The following NCAM2 variants were observed in gnomAD, a reference collection of about 807,000 sequenced individuals.
NCAM2 encodes neural cell adhesion molecule 2.
A neutral mutation model predicts 98.1 loss-of-function variants in NCAM2; 30 were observed. The observed-to-expected ratio is 0.31, with a 90% CI of 0.23 to 0.41. The LOEUF (loss-of-function observed/expected upper bound fraction) is 0.41. Ranked by LOEUF, NCAM2 falls within the 10% of genes least tolerant of loss-of-function variation. The pLI is 1.00. For missense variants in NCAM2, 867 were observed against 1,005.8 expected (o/e 0.86, Z 1.87); for synonymous variants, 368 against 342.4 (o/e 1.07, Z -0.83).
intron 1 of NCAM2, among the ~76,000 whole-genome samples, chr21:21,210,967 A>AACAC (rs71195310): frequency 0.016 from 2,098 of 127,248 alleles, 53 homozygotes; most frequent in East Asian, 0.08. Context: ...ACTCTCCCCA[A>AACAC]ACACACACAC....
chr21:21,429,186 A>G (rs2077276999), intron 11 of NCAM2, among the ~76,000 whole-genome samples: 1 of 152,240 alleles, frequency 6.6e-6, no homozygotes, highest in Non-Finnish European at 1.5e-5. Flanking sequence ...AACGGACTAT[A>G]TAACTAGAAG....
At chr21:21,458,825 A>G (rs1386360821) in intron 12 of NCAM2, among the ~76,000 whole-genome samples, 1 of 152,190 alleles carries the variant, frequency 6.6e-6, no homozygotes, top group Non-Finnish European at 1.5e-5. Flanking sequence ...AGCCTAGGCA[A>G]CAAAAGCAAA....
chr21:21,166,705 A>C (rs942854631), intron 1 of NCAM2, among the ~76,000 whole-genome samples: 3 of 152,212 alleles, frequency 2.0e-5, no homozygotes, highest in Non-Finnish European at 4.4e-5. Context: ...AGTCATTAAA[A>C]GTTATTGCAG....
chr21:21,291,176 C>T (rs909631778), intron 4 of NCAM2, among the ~76,000 whole-genome samples: 3 of 151,834 alleles, frequency 2.0e-5, no homozygotes, highest in African/African-American at 7.2e-5. Context: ...GTCTTATATA[C>T]AGTATCCAGC....
At chr21:21,172,388 TGAG>T (rs761257709) in intron 1 of NCAM2, among the ~76,000 whole-genome samples, 17 of 152,142 alleles carry the variant, frequency 1.1e-4, no homozygotes, top group Middle Eastern at 3.2e-3. Flanking sequence ...GTTTGAATCA[TGAG>T]GAGATTTTTT....
At position 21,540,221 on chromosome 21, in the gene NCAM2, G is replaced by A. The variant is rs1013032396; in HGVS notation, c.*2264G>A. On this transcript the variant is annotated 3_prime_UTR_variant, in exon 18 of 18. Transcript: ENST00000400546. Reference sequence around the variant, plus strand: ...ACATTTCTGTTTCTCTCATTTATTCGGATTTTCCTTGTAAAGAAATTGACA... The same window carrying A: ...ACATTTCTGTTTCTCTCATTTATTCAGATTTTCCTTGTAAAGAAATTGACA... The A allele has an allele frequency of 2.0e-5, 3 of 150,024 alleles. No individual in the cohort carries two copies. Among genetic ancestry groups the A allele is most frequent in the African/African-American group, 4.9e-5 (2 of 40,772 alleles). The allele number at this position is 150,024 out of a possible 1,614,324, so 9.3% of individuals were successfully genotyped here.
chr21:21,412,861 T>G (rs62207440), intron 10 of NCAM2, among the ~76,000 whole-genome samples: 34,741 of 151,950 alleles, frequency 0.23, 4,240 homozygotes, highest in South Asian at 0.29. Context: ...TAATTATTAG[T>G]ATATACAGTT....
intron 1 of NCAM2, among the ~76,000 whole-genome samples, chr21:21,154,010 G>C (rs576691842): frequency 2.0e-5 from 3 of 151,860 alleles, no homozygotes; most frequent in South Asian, 2.1e-4. Context: ...GAGAATATGT[G>C]ATAAGTGAAA....
intron 9 of NCAM2, among the ~76,000 whole-genome samples, chr21:21,402,688 G>C (rs975399150): frequency 6.6e-6 from 1 of 152,030 alleles, no homozygotes; most frequent in African/African-American, 2.4e-5. Flanking sequence ...GCTCAGGTGG[G>C]CATCATGGAC....
At chr21:21,367,512 G>A (rs1265993840) in intron 8 of NCAM2, among the ~76,000 whole-genome samples, 1 of 151,920 alleles carries the variant, frequency 6.6e-6, no homozygotes, top group Non-Finnish European at 1.5e-5. Flanking sequence ...CAAGAGAAAA[G>A]TCTAGCAGCA....
chr21:21,508,840 T>G lies in NCAM2; in HGVS notation c.2078-11T>G. On this transcript the variant is annotated splice_polypyrimidine_tract_variant and intron_variant, in intron 15 of 17. Transcript: ENST00000400546. Reference sequence around the variant, plus strand: ...TTTTTTTTTTTTTTTTTTTTTTTTTTACTTTTTAAGACACGCTGTTTAATG... The same window carrying G: ...TTTTTTTTTTTTTTTTTTTTTTTTTGACTTTTTAAGACACGCTGTTTAATG... 1 of 913,584 alleles carries G rather than the reference T, an allele frequency of 1.1e-6. No individual in the cohort carries two copies. The highest frequency in any genetic ancestry group is 1.5e-6 in the Non-Finnish European group (1 of 679,108). 56.6% of individuals were successfully genotyped at this position (913,584 alleles called of 1,614,324 possible).
intron 1 of NCAM2, among the ~76,000 whole-genome samples, chr21:21,026,306 A>G (rs1034813983): frequency 1.1e-4 from 17 of 152,258 alleles, no homozygotes; most frequent in African/African-American, 4.1e-4. Context: ...AATGCCTACA[A>G]TGAAAAATCT....
intron 1 of NCAM2, among the ~76,000 whole-genome samples, chr21:21,116,145 T>C (rs1176175724): frequency 1.3e-5 from 2 of 152,106 alleles, no homozygotes; most frequent in Non-Finnish European, 2.9e-5. Flanking sequence ...TTCTTGCGTT[T>C]ATTAGTTTAG....
intron 12 of NCAM2, among the ~76,000 whole-genome samples, chr21:21,460,718 G>A (rs575349159): frequency 7.2e-5 from 11 of 151,868 alleles, no homozygotes; most frequent in Non-Finnish European, 1.2e-4. Flanking sequence ...TTTATGGTAT[G>A]TGATATGTGT....
chr21:21,007,205 G>A (rs554742762), intron 1 of NCAM2, among the ~76,000 whole-genome samples: 4 of 152,210 alleles, frequency 2.6e-5, no homozygotes, highest in East Asian at 3.9e-4. Context: ...AAGAAAATAA[G>A]CTCACTTGTA....
At chr21:21,531,059 A>T (rs1989665652) in intron 16 of NCAM2, among the ~76,000 whole-genome samples, 1 of 152,074 alleles carries the variant, frequency 6.6e-6, no homozygotes, top group South Asian at 2.1e-4. Context: ...GTTGAGTCTG[A>T]GCTTGTTTCT....
At position 21,436,769 on chromosome 21, in the gene NCAM2, C is replaced by A. The variant is rs201846317; in HGVS notation, c.1654+4488C>A. On this transcript the variant is annotated intron_variant, in intron 12 of 17. Transcript: ENST00000400546. ...TGTCTACAGAAGCAACTTTTTTTTT[C>A]TTTTTTTTTTTTGAGACAGAATCTT... Among the ~76,000 whole-genome samples the A allele has an allele frequency of 4.3e-5, 6 of 138,066 alleles. No individual in the cohort carries two copies. The East Asian group carries it at 1.3e-3, about 30-fold the overall frequency. The allele number at this position is 138,066 out of a possible 152,430, so 90.6% of individuals were successfully genotyped here.
chr21:21,399,447 G>T (rs2076581910), intron 9 of NCAM2, among the ~76,000 whole-genome samples: 1 of 152,124 alleles, frequency 6.6e-6, no homozygotes, highest in Non-Finnish European at 1.5e-5. Flanking sequence ...CTGGAAAAGA[G>T]GAAGATATTT....
chr21:21,027,612 A>G (rs1034823633), intron 1 of NCAM2, among the ~76,000 whole-genome samples: 5 of 152,210 alleles, frequency 3.3e-5, no homozygotes, highest in African/African-American at 1.2e-4. Context: ...AATTTCAAGC[A>G]TGTTTGATCT....
Sources: gnomAD v4.1 joint callset for allele counts (sites outside exome capture counted in the v4.1 genomes callset) on GRCh38, gnomAD v4.1.1 for gene constraint, MANE v1.5 for transcripts, NCBI Gene and HGNC (gene_info 2026-07-23, HGNC 2026-07-21) for gene names.